Variants in DGKI observed in about 807,000 individuals in gnomAD.
The protein encoded by DGKI is DAG kinase iota.
DGKI carries 55 observed loss-of-function variants against 147.5 expected under a neutral mutation model. That is an observed-to-expected ratio of 0.37 (90% CI 0.30 to 0.47). The LOEUF is 0.47. Ranked by LOEUF, DGKI falls within the 20% of genes least tolerant of loss-of-function variation. The probability of loss-of-function intolerance (pLI) is 1.00; values close to 1 mark genes in which losing one functional copy is unlikely to be tolerated. For synonymous variants in DGKI, 469 were observed against 477.1 expected (o/e 0.98, Z 0.22); for missense variants, 1,007 against 1,323.8 (o/e 0.76, Z 3.71).
chr7:137,811,329 C>A (rs140490557), intron 1 of DGKI, among the ~76,000 whole-genome samples: 51 of 151,412 alleles, frequency 3.4e-4, no homozygotes, highest in African/African-American at 1.2e-3. Flanking sequence ...ATTTAATTCT[C>A]TCTGTCTGTC....
chr7:137,459,665 G>T (rs1052425382), intron 27 of DGKI, among the ~76,000 whole-genome samples: 1 of 151,466 alleles, frequency 6.6e-6, no homozygotes, highest in Non-Finnish European at 1.5e-5. Context: ...TAGTAGAGAC[G>T]GGGTTTCACC....
In DGKI at chr7:137,463,526, A is replaced by G. The variant is rs1317350525; in HGVS notation, c.2698T>C (p.Ser900Pro). 1.9e-6 allele frequency: 3 copies of G among 1,614,074 alleles called. No homozygotes were observed. Among genetic ancestry groups the G allele is most frequent in the Non-Finnish European group, 2.5e-6 (3 of 1,180,030 alleles). ...LGMIAPYYED[S>P]DLKDLSHSRV... ...GAGTGGCTGAGATCTTTCAGATCTG[A>G]GTCCTCATAATAGGGAGCTATCATC... The change falls in exon 27 of 33, where the codon TCA becomes CCA. Residue 900 changes from serine (S) to proline (P), a missense_variant. Transcript: ENST00000614521.
intron 1 of DGKI, among the ~76,000 whole-genome samples, chr7:137,729,105 T>C (rs1051588446): frequency 1.4e-5 from 2 of 144,326 alleles, no homozygotes; most frequent in African/African-American, 5.8e-5. Flanking sequence ...TTAGAATCAT[T>C]GAGAAAAAAC....
At chr7:137,444,198 A>G (rs1181198734) in intron 27 of DGKI, 96 bp from the exon 28 acceptor site, 2 of 767,902 alleles carry the variant, frequency 2.6e-6, no homozygotes, top group Non-Finnish European at 4.1e-6. Context: ...AAATTGAATT[A>G]AATGGAAAGT....
chr7:137,832,305 T>C (rs971748926), intron 1 of DGKI, among the ~76,000 whole-genome samples: 4 of 152,246 alleles, frequency 2.6e-5, no homozygotes, highest in African/African-American at 9.6e-5. Context: ...AGGTTCTCCA[T>C]GAGGGCCCTG....
intron 17 of DGKI, among the ~76,000 whole-genome samples, chr7:137,575,836 G>C (rs765220607): frequency 6.6e-6 from 1 of 151,590 alleles, no homozygotes; most frequent in South Asian, 2.1e-4. Context: ...TAATAGCAGC[G>C]GTAAAGGCCT....
intron 6 of DGKI, among the ~76,000 whole-genome samples, chr7:137,628,590 C>T (rs939900284): frequency 1.3e-5 from 2 of 152,178 alleles, no homozygotes; most frequent in Non-Finnish European, 2.9e-5. Context: ...GATGCCCTGA[C>T]TGAAGTTCAA....
intron 23 of DGKI, among the ~76,000 whole-genome samples, chr7:137,484,095 G>C (rs1216907998): frequency 6.6e-6 from 1 of 151,944 alleles, no homozygotes; most frequent in Non-Finnish European, 1.5e-5. Context: ...TCCTTTCAAG[G>C]CCAGACAGAT....
chr7:137,598,404 G>A (rs140011055), intron 11 of DGKI, among the ~76,000 whole-genome samples: 6 of 152,178 alleles, frequency 3.9e-5, no homozygotes, highest in South Asian at 4.2e-4. Context: ...TCAGCGAGAC[G>A]GGGAGGCTTC....
At chr7:137,639,316 A>C (rs146043081) in intron 6 of DGKI, among the ~76,000 whole-genome samples, 1 of 152,334 alleles carries the variant, frequency 6.6e-6, no homozygotes, top group Non-Finnish European at 1.5e-5. Context: ...AATATGTAGA[A>C]GCAGAATCAG....
chr7:137,533,615 A>C (rs834076), intron 20 of DGKI, among the ~76,000 whole-genome samples: 6,635 of 152,156 alleles, frequency 0.044, 361 homozygotes, highest in East Asian at 0.11. Context: ...AAATAACATC[A>C]AGCCAAATGA....
chr7:137,480,396 G>GGA (rs1410286331), intron 23 of DGKI, among the ~76,000 whole-genome samples: 4 of 152,172 alleles, frequency 2.6e-5, no homozygotes, highest in Non-Finnish European at 5.9e-5. Context: ...TTCAGAGAAA[G>GGA]GAGAGAGATG....
Position 137,465,963 on chromosome 7 carries a change from G to T in DGKI, c.2557C>A (p.Gln853Lys). The part of the protein sequence containing the change: ...FILDPDMVVS[Q>K]PAGTPPGMPD... The stretch of plus-strand genomic sequence containing the variant: ...ATGCCCGGAGGTGTCCCCGCCGGCT[G>T]TGACACCACCATATCTGGGTCCAGA... The change falls in exon 26 of 33, where the codon CAG becomes AAG. Residue 853 changes from glutamine (Q) to lysine (K), a missense_variant. Gln to Lys is a moderately conservative substitution (Grantham distance 53, BLOSUM62 1). This residue lies in a region of DGKI where 385 missense variants were observed against 445.2 expected (regional missense o/e 0.86). Transcript: ENST00000614521. 1 of 1,614,190 alleles carries T rather than the reference G, an allele frequency of 6.2e-7. No homozygotes were observed.
intron 27 of DGKI, among the ~76,000 whole-genome samples, chr7:137,447,242 T>A (rs1227681077): frequency 6.6e-6 from 1 of 152,224 alleles, no homozygotes; most frequent in African/African-American, 2.4e-5. Flanking sequence ...TCCATTTATG[T>A]TGATTCAATT....
chr7:137,748,692 A>G (rs928744621), intron 1 of DGKI, among the ~76,000 whole-genome samples: 12 of 152,200 alleles, frequency 7.9e-5, no homozygotes, highest in African/African-American at 2.9e-4. Flanking sequence ...TTTCAAAGAT[A>G]TATACCCTTC....
intron 3 of DGKI, among the ~76,000 whole-genome samples, chr7:137,663,983 C>A (rs561496380): frequency 1.1e-4 from 16 of 152,162 alleles, no homozygotes; most frequent in Non-Finnish European, 1.9e-4. Flanking sequence ...AAAACCCCCA[C>A]CGGGACATAG....
chr7:137,845,995 A>G (rs1156584011), intron 1 of DGKI, among the ~76,000 whole-genome samples: 2 of 152,136 alleles, frequency 1.3e-5, no homozygotes, highest in Non-Finnish European at 2.9e-5. Context: ...CTGTCAAGTT[A>G]GTGCCAAAGG....
intron 3 of DGKI, among the ~76,000 whole-genome samples, chr7:137,659,806 AC>A (rs1306290144): frequency 6.6e-6 from 1 of 152,080 alleles, no homozygotes; most frequent in African/African-American, 2.4e-5. Flanking sequence ...GGTGGTGGGC[AC>A]CTGTAGTCCC....
chr7:137,482,250 C>T (rs1012456778), intron 23 of DGKI, among the ~76,000 whole-genome samples: 1 of 151,934 alleles, frequency 6.6e-6, no homozygotes, highest in African/African-American at 2.4e-5. Context: ...ACATTTCACT[C>T]TTGGCTTTCG....
Sources: allele counts gnomAD v4.1 joint callset (sites outside exome capture counted in the v4.1 genomes callset), GRCh38; gene constraint gnomAD v4.1.1; regional missense constraint gnomAD v4.1.1; transcripts MANE v1.5; gene names NCBI Gene and HGNC (gene_info 2026-07-23, HGNC 2026-07-21).